The following RAB38 variants were observed in gnomAD, a reference collection of about 807,000 sequenced individuals.
RAB38 encodes the protein ras-related protein Rab-38.
A neutral mutation model predicts 18.4 loss-of-function variants in RAB38; 15 were observed. That is an observed-to-expected ratio of 0.82 (90% CI 0.55 to 1.26). The LOEUF is 1.26. Among genes scored for constraint, RAB38 ranks in the 50% most tolerant of loss-of-function variants. RAB38 has a pLI of 0.00. For synonymous variants in RAB38, 101 were observed against 104.4 expected (o/e 0.97, Z 0.20); for missense variants, 294 against 267.4 (o/e 1.10, Z -0.69).
chr11:87,829,384 G>T, the RAB38 span, among the ~76,000 whole-genome samples: 1 of 152,164 alleles, frequency 6.6e-6, no homozygotes, highest in Non-Finnish European at 1.5e-5. Context: ...ACCTGAGACT[G>T]GGTAATTTAT....
chr11:88,126,017 G>C (rs567468306), intron 2 of RAB38, among the ~76,000 whole-genome samples: 13 of 152,288 alleles, frequency 8.5e-5, no homozygotes, highest in African/African-American at 3.1e-4. Context: ...TCAAAGACCA[G>C]ATAGTTGTAG....
the RAB38 span, among the ~76,000 whole-genome samples, chr11:87,873,385 C>T: frequency 1.3e-5 from 2 of 151,546 alleles, no homozygotes; most frequent in Non-Finnish European, 3.0e-5. Context: ...TATTTTCTTT[C>T]AGTCTCTGGC....
At chr11:87,878,250 TCA>T in the RAB38 span, among the ~76,000 whole-genome samples, 2 of 74,998 alleles carry the variant, frequency 2.7e-5, no homozygotes, top group African/African-American at 8.5e-5. Flanking sequence ...CACACACCTA[TCA>T]TCTATCTATC....
the RAB38 span, among the ~76,000 whole-genome samples, chr11:87,977,554 A>G: frequency 8.4e-6 from 1 of 118,374 alleles, no homozygotes; most frequent in East Asian, 2.5e-4. Flanking sequence ...TATATAATAT[A>G]ATTATATAAT....
At chr11:88,147,054 T>C (rs1177766425) in intron 2 of RAB38, among the ~76,000 whole-genome samples, 1 of 152,168 alleles carries the variant, frequency 6.6e-6, no homozygotes, top group Non-Finnish European at 1.5e-5. Context: ...AGGTGAAAAA[T>C]GTCTTCAGAA....
chr11:87,805,623 GCACACACACA>G, the RAB38 span, among the ~76,000 whole-genome samples: 8 of 114,390 alleles, frequency 7.0e-5, no homozygotes, highest in Non-Finnish European at 1.4e-4. Flanking sequence ...ACACACACAC[GCACACACACA>G]CACACACACA....
chr11:87,886,003 G>A, the RAB38 span, among the ~76,000 whole-genome samples: 1 of 151,958 alleles, frequency 6.6e-6, no homozygotes, highest in African/African-American at 2.4e-5. Context: ...ATGTCTGCTA[G>A]ACTTGCTGGC....
the RAB38 span, among the ~76,000 whole-genome samples, chr11:87,974,439 G>C: frequency 6.6e-6 from 1 of 151,758 alleles, no homozygotes; most frequent in African/African-American, 2.4e-5. Flanking sequence ...CCAATCTCAA[G>C]AAGAGGCAAA....
the RAB38 span, among the ~76,000 whole-genome samples, chr11:87,924,539 T>A: frequency 6.6e-6 from 1 of 151,988 alleles, no homozygotes; most frequent in Non-Finnish European, 1.5e-5. Context: ...AGCACCTTGG[T>A]GGGAGACGAC....
chr11:87,921,362 A>G, the RAB38 span, among the ~76,000 whole-genome samples: 2 of 151,882 alleles, frequency 1.3e-5, no homozygotes, highest in Non-Finnish European at 1.5e-5. Flanking sequence ...CCAATACACT[A>G]CAGTGTACTG....
At chr11:87,932,029 G>T in the RAB38 span, among the ~76,000 whole-genome samples, 2 of 151,908 alleles carry the variant, frequency 1.3e-5, no homozygotes, top group African/African-American at 4.8e-5. Context: ...GAAATTGTTT[G>T]CTCTCTCCAT....
intron 2 of RAB38, among the ~76,000 whole-genome samples, chr11:88,135,745 A>G (rs1942828016): frequency 6.6e-6 from 1 of 152,230 alleles, no homozygotes; most frequent in Non-Finnish European, 1.5e-5. Context: ...CTCATCCAGG[A>G]AGAGCTACCA....
chr11:87,977,467 A>G, the RAB38 span, among the ~76,000 whole-genome samples: 2 of 46,350 alleles, frequency 4.3e-5, no homozygotes, highest in Non-Finnish European at 7.7e-5. Context: ...ATATAATTAT[A>G]TATTACATAT....
chr11:87,911,021 G>A, the RAB38 span, among the ~76,000 whole-genome samples: 1 of 151,838 alleles, frequency 6.6e-6, no homozygotes, highest in Non-Finnish European at 1.5e-5. Flanking sequence ...TTTCAGTATT[G>A]TTGAAAAGAC....
rs1280153625 is a variant in RAB38 at position 88,114,063 on chromosome 11, A to G, written c.561T>C (p.Ser187=). The G allele has an allele frequency of 6.2e-7, 1 of 1,614,092 alleles. No individual in the cohort carries two copies. The highest frequency in any genetic ancestry group is 1.3e-5 in the African/African-American group (1 of 74,936). Residue 187 remains serine (S), a synonymous_variant, in exon 3 of 3, where the codon TCT becomes TCC. Coordinates refer to ENST00000243662, the MANE Select transcript of RAB38 (RefSeq NM_022337.3). ...ILANECDLME[S]IEPDVVKPHL... ...GGGGCTTCACGACGTCCGGCTCAAT[A>G]GACTCCATTAGGTCACACTCATTTG...
At chr11:88,071,734 C>G in the RAB38 span, among the ~76,000 whole-genome samples, 1 of 152,256 alleles carries the variant, frequency 6.6e-6, no homozygotes, top group East Asian at 1.9e-4. Flanking sequence ...GGGGCAAGGG[C>G]ATGGAGAAAG....
chr11:87,945,666 C>A, the RAB38 span, among the ~76,000 whole-genome samples: 17 of 152,110 alleles, frequency 1.1e-4, no homozygotes, highest in Non-Finnish European at 1.3e-4. Context: ...GCTTAAAATG[C>A]CTTGGAAATC....
chr11:88,098,183 G>C, the RAB38 span: 1 of 151,846 alleles, frequency 6.6e-6, no homozygotes, highest in Admixed American at 6.6e-5. Flanking sequence ...AACAGGAAAG[G>C]GACACATATT....
the RAB38 span, among the ~76,000 whole-genome samples, chr11:87,899,495 A>G: frequency 1.3e-5 from 2 of 151,702 alleles, no homozygotes; most frequent in African/African-American, 2.4e-5. Context: ...ATACAGTGCT[A>G]AGCACATTTT....
Sources: gnomAD v4.1 joint callset for allele counts (sites outside exome capture counted in the v4.1 genomes callset) on GRCh38, gnomAD v4.1.1 for gene constraint, MANE v1.5 for transcripts, NCBI Gene and HGNC (gene_info 2026-07-23, HGNC 2026-07-21) for gene names.